TNFRSF10A: variants seen among roughly 807,000 people sequenced by gnomAD.
The protein encoded by TNFRSF10A is tumor necrosis factor receptor superfamily member 10A.
A neutral mutation model predicts 42.8 loss-of-function variants in TNFRSF10A; 44 were observed. That is an observed-to-expected ratio of 1.03 (90% CI 0.81 to 1.32). The LOEUF is 1.32. TNFRSF10A is among the 40% of genes most tolerant of loss of function. The pLI, the probability that TNFRSF10A is intolerant of heterozygous loss-of-function variation, is 0.00. For synonymous variants in TNFRSF10A, 259 were observed against 234.2 expected (o/e 1.11, Z -0.97); for missense variants, 680 against 602.0 (o/e 1.13, Z -1.36).
chr8:23,223,160 G>T (rs1394143908), intron 1 of TNFRSF10A, among the ~76,000 whole-genome samples: 1 of 152,222 alleles, frequency 6.6e-6, no homozygotes, highest in Non-Finnish European at 1.5e-5. Flanking sequence ...CCGCCTCCCA[G>T]GTTCACGCCA....
intron 2 of TNFRSF10A, among the ~76,000 whole-genome samples, chr8:23,206,280 T>G (rs1001422095): frequency 6.6e-6 from 1 of 152,198 alleles, no homozygotes; most frequent in African/African-American, 2.4e-5. Flanking sequence ...AGCCTAAATG[T>G]ACAGTGTTTA....
At position 23,201,862 on chromosome 8, in the gene TNFRSF10A, G is replaced by A; in HGVS notation, c.575C>T (p.Pro192Leu). 6.2e-7 allele frequency: 1 copy of A among 1,614,182 alleles called. No individual in the cohort carries two copies. The highest frequency in any genetic ancestry group is 1.3e-5 in the African/African-American group (1 of 75,024). Residue 192 changes from proline (P) to leucine (L), a missense_variant, in exon 4 of 10, where the codon CCA becomes CTA. Physicochemically the swap from Pro to Leu is moderately conservative, Grantham distance 98 (BLOSUM62 -3). Coordinates refer to ENST00000221132, the MANE Select transcript of TNFRSF10A (RefSeq NM_003844.4). ...TTRNTACQCK[P>L]GTFRNDNSAE... The stretch of plus-strand genomic sequence containing the variant: ...AGAATTGTCATTCCGGAAAGTTCCT[G>A]GTTTGCACTGACATGCTGTGTTCCT...
At chr8:23,200,370 G>T (rs1800889372) in intron 6 of TNFRSF10A, 135 bp downstream of exon 6, 1 of 942,658 alleles carries the variant, frequency 1.1e-6, no homozygotes, top group Non-Finnish European at 1.7e-6. Context: ...GAGGATGGGG[G>T]GTGATCACAA....
At chr8:23,209,172 A>C (rs1188373382) in intron 2 of TNFRSF10A, among the ~76,000 whole-genome samples, 1 of 152,250 alleles carries the variant, frequency 6.6e-6, no homozygotes, top group Non-Finnish European at 1.5e-5. Context: ...GCAGGTGCAC[A>C]GAAGTCAAGA....
chr8:23,209,087 C>A (rs1035401815), intron 2 of TNFRSF10A, among the ~76,000 whole-genome samples: 1 of 152,140 alleles, frequency 6.6e-6, no homozygotes, highest in Non-Finnish European at 1.5e-5. Flanking sequence ...CTAAAAGGGG[C>A]CAAGGTACAG....
intron 9 of TNFRSF10A, among the ~76,000 whole-genome samples, chr8:23,192,796 T>C (rs534289170): frequency 6.6e-6 from 1 of 152,356 alleles, no homozygotes; most frequent in East Asian, 1.9e-4. Context: ...GAAAGGTTTT[T>C]TTGATAAACA....
At position 23,224,848 on chromosome 8, in the gene TNFRSF10A, G is replaced by GCCCTGCC; in HGVS notation, c.207_213dup (p.Arg72GlyfsTer37). ...CGCGCCGGCCTGGGTCCTGGGGCGC[G>GCCCTGCC]CCCTGCCCGGGCCCGGGCACTGGGT... On this transcript the variant is annotated frameshift_variant, in exon 1 of 10. Coordinates refer to ENST00000221132, the MANE Select transcript of TNFRSF10A (RefSeq NM_003844.4). LOFTEE classifies it high-confidence loss of function. The GCCCTGCC allele has an allele frequency of 6.4e-7, 1 of 1,566,676 alleles. No homozygotes were observed. The highest frequency in any genetic ancestry group is 8.7e-7 in the Non-Finnish European group (1 of 1,156,002).
intron 8 of TNFRSF10A, among the ~76,000 whole-genome samples, chr8:23,198,729 G>A (rs569250597): frequency 2.6e-5 from 4 of 152,072 alleles, no homozygotes; most frequent in South Asian, 2.1e-4. Context: ...GTGTGGGTAC[G>A]TGCATGTGTG....
intron 2 of TNFRSF10A, among the ~76,000 whole-genome samples, chr8:23,210,341 C>A (rs1303421121): frequency 1.3e-5 from 2 of 152,084 alleles, no homozygotes; most frequent in Non-Finnish European, 1.5e-5. Flanking sequence ...AATATTGTTG[C>A]AAAAATTTGC....
intron 9 of TNFRSF10A, among the ~76,000 whole-genome samples, chr8:23,195,529 G>T (rs1800810797): frequency 6.7e-6 from 1 of 149,748 alleles, no homozygotes; most frequent in African/African-American, 2.4e-5. Context: ...CTTTTACAAT[G>T]GAACACAGTT....
At chr8:23,197,237 A>G in intron 8 of TNFRSF10A, 33 bp from the exon 9 acceptor site, 2 of 1,613,710 alleles carry the variant, frequency 1.2e-6, no homozygotes, top group South Asian at 2.2e-5. Context: ...CCTTGGTCTG[A>G]GTCAGGGGTC....
chr8:23,215,412 G>A (rs991168843), intron 1 of TNFRSF10A, among the ~76,000 whole-genome samples: 4 of 152,098 alleles, frequency 2.6e-5, no homozygotes, highest in African/African-American at 9.7e-5. Flanking sequence ...AGAGGCTGAG[G>A]CAGGAGAATC....
At position 23,199,310 on chromosome 8, in the gene TNFRSF10A, T is replaced by G; in HGVS notation, c.970A>C (p.Thr324Pro). ...CCTGGGGACTGTACAGTGACACCTGTCAAATCTGCCGGCTCCTGGCTTTCC... is the reference window on the plus strand; with the variant it reads ...CCTGGGGACTGTACAGTGACACCTGGCAAATCTGCCGGCTCCTGGCTTTCC... ...QMESQEPADL[T>P]GVTVQSPGEA... Residue 324 changes from threonine to proline, a missense_variant, in exon 8 of 10, where the codon ACA (threonine) becomes CCA (proline). Physicochemically the swap from Thr to Pro is conservative, Grantham distance 38. Transcript: ENST00000221132. The G allele has an allele frequency of 3.7e-6, 6 of 1,614,144 alleles. No individual in the cohort carries two copies. Among genetic ancestry groups the G allele is most frequent in the Non-Finnish European group, 5.1e-6 (6 of 1,180,008 alleles).
At chr8:23,213,913 C>A (rs752138800) in intron 1 of TNFRSF10A, among the ~76,000 whole-genome samples, 3 of 152,078 alleles carry the variant, frequency 2.0e-5, no homozygotes, top group Admixed American at 6.5e-5. Context: ...TCTTTTGAAA[C>A]ATTTTTCTAA....
Position 23,201,848 on chromosome 8 carries a change from T to C in TNFRSF10A, c.589A>G (p.Asn197Asp). 6.2e-7 allele frequency: 1 copy of C among 1,614,180 alleles called. No homozygotes were observed. The highest frequency in any genetic ancestry group is 2.2e-5 in the East Asian group (1 of 44,888). Residue 197 changes from asparagine (N) to aspartate (D), a missense_variant, in exon 4 of 10, where the codon AAT becomes GAT. Asn to Asp is a conservative substitution (Grantham distance 23, BLOSUM62 1). Transcript: ENST00000221132. The stretch of plus-strand genomic sequence containing the variant: ...CGGCACATCTCAGCAGAATTGTCAT[T>C]CCGGAAAGTTCCTGGTTTGCACTGA... The part of the protein sequence containing the change: ...ACQCKPGTFR[N>D]DNSAEMCRKC...
At chr8:23,210,275 G>C (rs775376640) in intron 2 of TNFRSF10A, among the ~76,000 whole-genome samples, 3 of 152,178 alleles carry the variant, frequency 2.0e-5, no homozygotes, top group Non-Finnish European at 2.9e-5. Flanking sequence ...AGCTTAATAT[G>C]AAGACCAGAA....
intron 2 of TNFRSF10A, among the ~76,000 whole-genome samples, chr8:23,206,061 T>TA (rs1362133199): frequency 6.6e-6 from 1 of 151,904 alleles, no homozygotes; most frequent in East Asian, 1.9e-4. Flanking sequence ...AATTTTTAAG[T>TA]AAAAAAAAGT....
chr8:23,190,747 G>T lies in TNFRSF10A; in HGVS notation c.*947C>A, dbSNP rs1800743225. 6.6e-6 allele frequency: 1 copy of T among 152,220 alleles called. No individual in the cohort carries two copies. The highest frequency in any genetic ancestry group is 2.4e-5 in the African/African-American group (1 of 41,458). 9.4% of individuals were successfully genotyped at this position (152,220 alleles called of 1,614,324 possible). ...GGAATTAATGCATCTGATAATGGAG[G>T]TTGAGAAGTTCCACAACAGGCCATC... On this transcript the variant is annotated 3_prime_UTR_variant, in exon 10 of 10. Coordinates refer to ENST00000221132, the MANE Select transcript of TNFRSF10A (RefSeq NM_003844.4).
intron 9 of TNFRSF10A, among the ~76,000 whole-genome samples, chr8:23,194,917 C>T (rs751407636): frequency 1.9e-4 from 29 of 152,144 alleles, no homozygotes; most frequent in Non-Finnish European, 3.5e-4. Flanking sequence ...CTTTGGGAGG[C>T]CAAGGCAGGC....
Sources: gnomAD v4.1 joint callset for allele counts (sites outside exome capture counted in the v4.1 genomes callset) on GRCh38, gnomAD v4.1.1 for gene constraint, MANE v1.5 for transcripts, NCBI Gene and HGNC (gene_info 2026-07-23, HGNC 2026-07-21) for gene names.